Variants in RPF2 observed in about 807,000 individuals in gnomAD.
RPF2 encodes the protein brix domain containing 1.
In RPF2, 21 loss-of-function variants were observed where a neutral mutation model predicts 38.9. The ratio of observed to expected loss-of-function variants is 0.54; its 90% CI spans 0.38 to 0.78. The LOEUF (loss-of-function observed/expected upper bound fraction) is 0.78, where lower values mean the gene tolerates loss of function less well. Among genes scored for constraint, RPF2 ranks in the 30% least tolerant of loss-of-function variants. The probability of loss-of-function intolerance (pLI) is 0.00; values close to 1 mark genes in which losing one functional copy is unlikely to be tolerated. For missense variants in RPF2, 314 were observed against 358.1 expected (o/e 0.88, Z 0.99); for synonymous variants, 121 against 126.2 (o/e 0.96, Z 0.28).
Position 111,020,646 on chromosome 6 carries a change from A to T in RPF2, c.597-3537A>T, listed in dbSNP as rs1772215619. ...GAGGCCAAGATGGGTGGATCACCTG[A>T]GGTCAGGAGTTTGAGACCAGCCTGG... On this transcript the variant is annotated intron_variant, in intron 8 of 9. Transcript: ENST00000441448. Among the ~76,000 whole-genome samples the T allele has an allele frequency of 2.6e-5, 4 of 152,192 alleles. 1 individual carries two copies. In the South Asian group the frequency reaches 8.3e-4, roughly 32 times the overall value.
At position 110,991,733 on chromosome 6, in the gene RPF2, T is replaced by C. The variant is rs984096621; in HGVS notation, c.195-14T>C. 5.6e-6 allele frequency: 6 copies of C among 1,064,174 alleles called. No individual in the cohort carries two copies. In the African/African-American group the frequency reaches 9.7e-5, roughly 17 times the overall value. 65.9% of individuals were successfully genotyped at this position (1,064,174 alleles called of 1,614,324 possible). A position where few individuals can be genotyped will look rare whatever the true frequency, so the allele number is the denominator to read the frequency against. On this transcript the variant is annotated splice_polypyrimidine_tract_variant and intron_variant, in intron 3 of 9. Coordinates refer to ENST00000441448, the MANE Select transcript of RPF2 (RefSeq NM_032194.3). Reference sequence around the variant, plus strand: ...TTTAGATTATTAAAATTGTCACTTTTTTGATATTCTTAGGAAAAATATTAC... The same window carrying C: ...TTTAGATTATTAAAATTGTCACTTTCTTGATATTCTTAGGAAAAATATTAC...
intron 8 of RPF2, among the ~76,000 whole-genome samples, chr6:111,020,049 G>A (rs1772203739): frequency 6.6e-6 from 1 of 151,504 alleles, no homozygotes; most frequent in African/African-American, 2.4e-5. Context: ...CAAGTAGCTG[G>A]AACTACTGGC....
At chr6:110,994,137 G>A (rs1423716705) in intron 4 of RPF2, among the ~76,000 whole-genome samples, 3 of 152,118 alleles carry the variant, frequency 2.0e-5, no homozygotes, top group African/African-American at 7.2e-5. Flanking sequence ...TTAGCCAGGC[G>A]TGGTGGCACA....
rs956299009 is a variant in RPF2 at position 111,026,476 on chromosome 6, A to G, written c.*894A>G. 5 of 152,282 alleles carry G rather than the reference A, an allele frequency of 3.3e-5. No individual in the cohort carries two copies. Among genetic ancestry groups the G allele is most frequent in the Admixed American group, 2.6e-4 (4 of 15,270 alleles). 9.4% of individuals were successfully genotyped at this position (152,282 alleles called of 1,614,324 possible). A position where few individuals can be genotyped will look rare whatever the true frequency, so the allele number is the denominator to read the frequency against. ...TTCACCTTCCTGAGCAGCCGGAACT[A>G]CAGATGTTGGTCCACTGCACCTGGC... is the stretch of plus-strand genomic sequence containing the variant. On this transcript the variant is annotated 3_prime_UTR_variant, in exon 10 of 10. Transcript: ENST00000441448.
intron 7 of RPF2, among the ~76,000 whole-genome samples, chr6:111,011,590 A>T (rs1334419081): frequency 1.3e-5 from 2 of 152,102 alleles, no homozygotes; most frequent in Non-Finnish European, 2.9e-5. Context: ...TGCCTGGTCA[A>T]GGGTATTTTT....
chr6:111,004,232 G>T (rs563400087), intron 6 of RPF2, among the ~76,000 whole-genome samples: 1 of 151,856 alleles, frequency 6.6e-6, no homozygotes, highest in South Asian at 2.1e-4. Flanking sequence ...GCCCAGGCTG[G>T]AGTGCAGTGG....
chr6:110,986,844 A>G (rs1771533569), intron 2 of RPF2, among the ~76,000 whole-genome samples: 1 of 151,520 alleles, frequency 6.6e-6, no homozygotes, highest in East Asian at 1.9e-4. Flanking sequence ...CCCAGCTACT[A>G]GGGAGGCTGA....
At chr6:110,984,880 GA>G (rs1230345553) in intron 1 of RPF2, 125 bp from the exon 2 acceptor site, 5 of 996,160 alleles carry the variant, frequency 5.0e-6, no homozygotes, top group Non-Finnish European at 7.2e-6. Flanking sequence ...AAGAAAGTGA[GA>G]TTTTTTTTAA....
At chr6:111,018,074 G>A (rs573150934) in intron 8 of RPF2, among the ~76,000 whole-genome samples, 1,971 of 152,108 alleles carry the variant, frequency 0.013, 43 homozygotes, top group African/African-American at 0.045. Context: ...CCAGTCAGGC[G>A]TGGCGGCGCG....
intron 8 of RPF2, among the ~76,000 whole-genome samples, chr6:111,023,008 C>T (rs1772261326): frequency 6.6e-6 from 1 of 152,248 alleles, no homozygotes; most frequent in Admixed American, 6.5e-5. Context: ...AAGCGATTCT[C>T]CTGCCTCAGC....
rs375324225 is a variant in RPF2 at position 111,017,398 on chromosome 6, C to T, written c.596+1542C>T. 7.5e-4 allele frequency among the ~76,000 whole-genome samples: 74 copies of T among 98,664 alleles called. 1 individual carries two copies. The East Asian group carries it at 0.022, about 29-fold the overall frequency. The allele number at this position is 98,664 out of a possible 152,430, so 64.7% of individuals were successfully genotyped here. On this transcript the variant is annotated intron_variant, in intron 8 of 9. Transcript: ENST00000441448. ...GGACGGGGCGGCTGCCAGGCGGAGACGCTCCTCACTTCCCAGACGGGGCGG... is the reference window on the plus strand; with the variant it reads ...GGACGGGGCGGCTGCCAGGCGGAGATGCTCCTCACTTCCCAGACGGGGCGG...
intron 4 of RPF2, among the ~76,000 whole-genome samples, 179 bp from the exon 5 acceptor site, chr6:110,997,004 G>A (rs1432022442): frequency 6.6e-6 from 1 of 152,128 alleles, no homozygotes; most frequent in East Asian, 1.9e-4. Context: ...GTCTTACCTT[G>A]TTGGCCAGGC....
intron 8 of RPF2, among the ~76,000 whole-genome samples, chr6:111,023,013 C>G (rs1772261374): frequency 6.6e-6 from 1 of 152,260 alleles, no homozygotes; most frequent in African/African-American, 2.4e-5. Flanking sequence ...ATTCTCCTGC[C>G]TCAGCCTCCC....
At chr6:111,016,938 G>A (rs1439344488) in intron 8 of RPF2, among the ~76,000 whole-genome samples, 23 of 151,988 alleles carry the variant, frequency 1.5e-4, no homozygotes, top group African/African-American at 4.8e-4. Flanking sequence ...ATCTTGCACC[G>A]CCCTTAATCC....
At chr6:111,015,711 A>G (rs1772095862) in intron 7 of RPF2, 43 bp from the exon 8 acceptor site, 2 of 1,340,124 alleles carry the variant, frequency 1.5e-6, no homozygotes, top group African/African-American at 1.4e-5. Flanking sequence ...GAATTTTGCA[A>G]GTATTTGTTT....
chr6:111,010,729 A>G (rs193023770), intron 7 of RPF2, among the ~76,000 whole-genome samples: 2 of 152,322 alleles, frequency 1.3e-5, no homozygotes, highest in Admixed American at 6.5e-5. Flanking sequence ...TTGATGGGGT[A>G]TAAAATTACG....
At chr6:111,000,549 C>A (rs574812087) in intron 6 of RPF2, among the ~76,000 whole-genome samples, 109 of 152,252 alleles carry the variant, frequency 7.2e-4, no homozygotes, top group African/African-American at 2.6e-3. Flanking sequence ...GGAGTTGCAT[C>A]TTTGTTTTAA....
Position 111,025,794 on chromosome 6 carries a change from G to A in RPF2, c.*212G>A, listed in dbSNP as rs916129884. On this transcript the variant is annotated 3_prime_UTR_variant, in exon 10 of 10. Transcript: ENST00000441448. ...ACACCCTGGTGTGCCATTTTCTCTT[G>A]TGATATCCCCTGCCCTCCACAAATT... 1 of 356,358 alleles carries A rather than the reference G, an allele frequency of 2.8e-6. No individual in the cohort carries two copies. Among genetic ancestry groups the A allele is most frequent in the Non-Finnish European group, 5.0e-6 (1 of 198,980 alleles). The allele number at this position is 356,358 out of a possible 1,614,324, so 22.1% of individuals were successfully genotyped here.
intron 7 of RPF2, among the ~76,000 whole-genome samples, chr6:111,008,898 C>CTTTTTTTTTTTTTTTTTTTTTTTT (rs57167034): frequency 2.5e-5 from 3 of 120,434 alleles, no homozygotes; most frequent in Admixed American, 8.4e-5. Flanking sequence ...TTCCTGGCTC[C>CTTTTTTTTTTTTTTTTTTTTTTTT]TTTTTTTTTT....
Sources: gnomAD v4.1 joint callset for allele counts (sites outside exome capture counted in the v4.1 genomes callset) on GRCh38, gnomAD v4.1.1 for gene constraint, MANE v1.5 for transcripts, NCBI Gene and HGNC (gene_info 2026-07-23, HGNC 2026-07-21) for gene names.